AKAP19: variants seen among roughly 807,000 people sequenced by gnomAD.
The protein encoded by AKAP19 is A-kinase anchoring protein 19, also known as small A-kinase anchoring protein.
chr2:190,029,449 A>G, the AKAP19 span, among the ~76,000 whole-genome samples: 1 of 152,212 alleles, frequency 6.6e-6, no homozygotes, highest in African/African-American at 2.4e-5. Flanking sequence ...ATTCCTTTAT[A>G]TAAAGAAATA....
At chr2:190,057,207 G>A in the AKAP19 span, 1 of 1,605,588 alleles carries the variant, frequency 6.2e-7, no homozygotes, top group East Asian at 2.2e-5. Flanking sequence ...CAAAATTGTT[G>A]AGGGGAAAAC....
At chr2:189,898,795 C>T in the AKAP19 span, among the ~76,000 whole-genome samples, 2,342 of 152,286 alleles carry the variant, frequency 0.015, 59 homozygotes, top group African/African-American at 0.054. Context: ...CTAGTCCCTT[C>T]TAGTACTACC....
At chr2:190,167,367 A>G in the AKAP19 span, among the ~76,000 whole-genome samples, 8 of 152,266 alleles carry the variant, frequency 5.3e-5, no homozygotes, top group South Asian at 1.0e-3. Context: ...GTGGGAATTC[A>G]AGATGAAATT....
At chr2:190,020,314 T>TCA in the AKAP19 span, among the ~76,000 whole-genome samples, 1 of 152,220 alleles carries the variant, frequency 6.6e-6, no homozygotes, top group African/African-American at 2.4e-5. Context: ...ATAATGTGTA[T>TCA]CAAATCTTTA....
At chr2:190,200,104 A>G in the AKAP19 span, 1 of 1,614,084 alleles carries the variant, frequency 6.2e-7, no homozygotes, top group African/African-American at 1.3e-5. Context: ...ATGCAATAAC[A>G]TCAAGTACCA....
chr2:190,125,768 G>A, the AKAP19 span, among the ~76,000 whole-genome samples: 1 of 151,926 alleles, frequency 6.6e-6, no homozygotes, highest in Non-Finnish European at 1.5e-5. Context: ...AATACTGAGG[G>A]GAACAAAATA....
At chr2:189,964,899 A>G in the AKAP19 span, among the ~76,000 whole-genome samples, 1 of 152,184 alleles carries the variant, frequency 6.6e-6, no homozygotes, top group South Asian at 2.1e-4. Context: ...TTTTATGTTC[A>G]CAGAAGTAGC....
chr2:189,917,641 A>G, the AKAP19 span: 1 of 303,000 alleles, frequency 3.3e-6, no homozygotes, highest in Non-Finnish European at 6.2e-6. Flanking sequence ...CTTGTATCCA[A>G]GTTAGCTTCA....
At chr2:189,912,352 C>G in the AKAP19 span, among the ~76,000 whole-genome samples, 1 of 151,952 alleles carries the variant, frequency 6.6e-6, no homozygotes, top group Non-Finnish European at 1.5e-5. Context: ...ACCAGCCTGG[C>G]CAACATGACG....
chr2:190,009,844 G>T, the AKAP19 span, among the ~76,000 whole-genome samples: 1 of 151,862 alleles, frequency 6.6e-6, no homozygotes, highest in Non-Finnish European at 1.5e-5. Context: ...AGGCAAAAAG[G>T]CCTGAGACAT....
chr2:189,893,970 G>C, the AKAP19 span, among the ~76,000 whole-genome samples: 65 of 152,188 alleles, frequency 4.3e-4, no homozygotes, highest in South Asian at 2.3e-3. Context: ...TAGGCATTAC[G>C]GGTGACTCAA....
At chr2:189,963,255 C>T in the AKAP19 span, among the ~76,000 whole-genome samples, 9 of 146,318 alleles carry the variant, frequency 6.2e-5, no homozygotes, top group East Asian at 2.0e-4. Flanking sequence ...GTGCAGTGGC[C>T]GCGATCTCCA....
chr2:189,977,962 G>C, the AKAP19 span, among the ~76,000 whole-genome samples: 1 of 152,130 alleles, frequency 6.6e-6, no homozygotes, highest in African/African-American at 2.4e-5. Flanking sequence ...TACATAAGCT[G>C]TTCAACACTT....
At chr2:190,152,030 AAGAG>A in the AKAP19 span, among the ~76,000 whole-genome samples, 1,825 of 148,250 alleles carry the variant, frequency 0.012, 22 homozygotes, top group Non-Finnish European at 0.022. Flanking sequence ...AAAAAAAACA[AAGAG>A]AGGTCTTGGC....
chr2:189,954,173 G>A, the AKAP19 span, among the ~76,000 whole-genome samples: 1 of 152,270 alleles, frequency 6.6e-6, no homozygotes, highest in Non-Finnish European at 1.5e-5. Flanking sequence ...TTCTTACCCT[G>A]TTGGTATAAA....
At chr2:190,106,537 G>A in the AKAP19 span, among the ~76,000 whole-genome samples, 1 of 152,180 alleles carries the variant, frequency 6.6e-6, no homozygotes, top group African/African-American at 2.4e-5. Flanking sequence ...TTGACCATTA[G>A]TAGTCTTAAA....
At chr2:190,021,407 T>C in the AKAP19 span, among the ~76,000 whole-genome samples, 1 of 152,214 alleles carries the variant, frequency 6.6e-6, no homozygotes, top group African/African-American at 2.4e-5. Context: ...TGTTTAAACT[T>C]TATATGTGCA....
chr2:190,075,802 T>C, the AKAP19 span, among the ~76,000 whole-genome samples: 9,325 of 152,216 alleles, frequency 0.061, 644 homozygotes, highest in African/African-American at 0.17. Context: ...ACTTCTGCCT[T>C]TTGATTGGAG....
the AKAP19 span, among the ~76,000 whole-genome samples, chr2:190,105,296 A>T: frequency 6.6e-6 from 1 of 152,198 alleles, no homozygotes; most frequent in East Asian, 1.9e-4. Context: ...AATTATTAAT[A>T]GTCTCTTTCA....
Sources: gnomAD v4.1 joint callset for allele counts (sites outside exome capture counted in the v4.1 genomes callset) on GRCh38, gnomAD v4.1.1 for gene constraint, MANE v1.5 for transcripts, NCBI Gene and HGNC (gene_info 2026-07-23, HGNC 2026-07-21) for gene names.